Variants in VPS13D observed in about 807,000 individuals in gnomAD.
VPS13D encodes the protein vacuolar protein sorting 13 homolog D.
Under a neutral mutation model 461.9 loss-of-function variants are expected in VPS13D, and 187 were observed. That is an observed-to-expected ratio of 0.40 (90% CI 0.36 to 0.46). VPS13D has a LOEUF of 0.46. Ranked by LOEUF, VPS13D falls within the 20% of genes least tolerant of loss-of-function variation. The pLI is 0.60. For missense variants in VPS13D, 4,711 were observed against 5,364.9 expected (o/e 0.88, Z 3.81); for synonymous variants, 1,951 against 1,986.3 (o/e 0.98, Z 0.47).
chr1:12,266,597 C>G (rs1363379315), intron 13 of VPS13D, among the ~76,000 whole-genome samples: 1 of 152,210 alleles, frequency 6.6e-6, no homozygotes, highest in Non-Finnish European at 1.5e-5. Context: ...ACTCAGTACA[C>G]TACTGTATAG....
In VPS13D at chr1:12,382,907, T is replaced by A. The variant is rs940559994; in HGVS notation, c.11191-69T>A. ...TGTAAATTTAGGAACTTGTTTGAAA[T>A]GATGTGTTAACTTGTCAAAGTCAGT... On this transcript the variant is annotated intron_variant, in intron 57 of 69. Coordinates refer to ENST00000620676, the MANE Select transcript of VPS13D (RefSeq NM_015378.4). 9.2e-6 allele frequency: 13 copies of A among 1,419,524 alleles called. No individual in the cohort carries two copies. The South Asian group carries it at 1.6e-4, about 17-fold the overall frequency. The allele number at this position is 1,419,524 out of a possible 1,614,324, so 87.9% of individuals were successfully genotyped here. A position where few individuals can be genotyped will look rare whatever the true frequency, so the allele number is the denominator to read the frequency against.
At position 12,304,672 on chromosome 1, in the gene VPS13D, C is replaced by T. The variant is rs745314464; in HGVS notation, c.6383C>T (p.Thr2128Ile). 1.9e-6 allele frequency: 3 copies of T among 1,613,994 alleles called. No individual in the cohort carries two copies. Among genetic ancestry groups the T allele is most frequent in the Non-Finnish European group, 2.5e-6 (3 of 1,180,014 alleles). Residue 2128 changes from threonine to isoleucine, a missense_variant, in exon 26 of 70, where the codon ACC becomes ATC. Around this residue, in one of 3 missense-constraint regions of VPS13D, gnomAD observed 4,411 missense variants for 4,937.8 expected, o/e 0.89. Transcript: ENST00000620676. ...AGTGAGTTTGTGCCCAGTACCTCCACCAAGCAGCAAGGGCCGCAACCCACA... is the reference window on the plus strand; with the variant it reads ...AGTGAGTTTGTGCCCAGTACCTCCATCAAGCAGCAAGGGCCGCAACCCACA... ...LKSEFVPSTS[T>I]KQQGPQPTLS... is the part of the protein sequence containing the mutation.
At position 12,277,154 on chromosome 1, in the gene VPS13D, A is replaced by G. The variant is rs1473110529; in HGVS notation, c.3566A>G (p.Tyr1189Cys). ...RTVGMANREKYGRKIATASIG... is the reference protein window; with the variant it reads ...RTVGMANREKCGRKIATASIG... ...GTGGGCATGGCAAATAGAGAGAAAT[A>G]TGGCAGAAAAATTGCAACTGCAAGT... Residue 1189 changes from tyrosine (Y) to cysteine (C), a missense_variant, in exon 19 of 70, where the codon TAT becomes TGT. Physicochemically the swap from Tyr to Cys is radical, Grantham distance 194 (BLOSUM62 -2). Around this residue, in one of 3 missense-constraint regions of VPS13D, gnomAD observed 4,411 missense variants for 4,937.8 expected, o/e 0.89. Coordinates refer to ENST00000620676, the MANE Select transcript of VPS13D (RefSeq NM_015378.4). The G allele has an allele frequency of 1.2e-6, 2 of 1,614,228 alleles. No homozygotes were observed. The highest frequency in any genetic ancestry group is 1.7e-6 in the Non-Finnish European group (2 of 1,180,048).
intron 2 of VPS13D, among the ~76,000 whole-genome samples, chr1:12,240,197 G>A (rs541801125): frequency 3.3e-5 from 5 of 151,644 alleles, no homozygotes; most frequent in African/African-American, 9.7e-5. Context: ...TTAATTTTTC[G>A]TGGTGCGAGT....
chr1:12,318,453 T>C, intron 31 of VPS13D, 116 bp downstream of exon 31: 6 of 1,342,818 alleles, frequency 4.5e-6, no homozygotes, highest in Non-Finnish European at 6.1e-6. Context: ...CTTACACATT[T>C]GCCTCTTTTA....
chr1:12,275,228 T>TA (rs1323130541), intron 18 of VPS13D, among the ~76,000 whole-genome samples: 2 of 144,688 alleles, frequency 1.4e-5, no homozygotes, highest in African/African-American at 2.6e-5. Flanking sequence ...CAAAAATAAA[T>TA]AAAAATAAAT....
At chr1:12,292,437 T>C (rs897862350) in intron 23 of VPS13D, among the ~76,000 whole-genome samples, 24 of 135,756 alleles carry the variant, frequency 1.8e-4, no homozygotes, top group Admixed American at 1.4e-3. Context: ...CTCAGTCTCT[T>C]TTTTTTTTTT....
chr1:12,321,844 A>G lies in VPS13D; in HGVS notation c.7584A>G (p.Thr2528=). The change falls in exon 33 of 70, where the codon ACA becomes ACG. Residue 2528 remains threonine, a synonymous_variant. Transcript: ENST00000620676. The part of the protein sequence containing the change: ...FSCRLGNEHD[T]ALSIVDPVQI... ...GCCGACTAGGGAATGAGCATGATAC[A>G]GCTCTTTCAATTGTGGATCCCGTAC... 2 of 1,611,742 alleles carry G rather than the reference A, an allele frequency of 1.2e-6. No individual in the cohort carries two copies. The highest frequency in any genetic ancestry group is 1.7e-6 in the Non-Finnish European group (2 of 1,179,274).
At chr1:12,274,275 G>A (rs1641542419) in intron 18 of VPS13D, among the ~76,000 whole-genome samples, 1 of 152,216 alleles carries the variant, frequency 6.6e-6, no homozygotes, top group Non-Finnish European at 1.5e-5. Context: ...CCTGGCCTCA[G>A]GTGATCCGCC....
At chr1:12,363,878 G>A (rs186470937) in intron 52 of VPS13D, among the ~76,000 whole-genome samples, 2,793 of 149,532 alleles carry the variant, frequency 0.019, 104 homozygotes, top group Admixed American at 0.097. Flanking sequence ...GCCTGAATCG[G>A]GGAGGCGGAG....
chr1:12,314,467 C>G lies in VPS13D; in HGVS notation c.7148+140C>G. On this transcript the variant is annotated intron_variant, in intron 30 of 69. Transcript: ENST00000620676. The stretch of plus-strand genomic sequence containing the variant: ...ATAATGGCTTAATCAGTGCAGTGTA[C>G]TGTATATTAATGCATTATTCCTATA... 6 of 781,560 alleles carry G rather than the reference C, an allele frequency of 7.7e-6. No individual in the cohort carries two copies. In the South Asian group the frequency reaches 1.2e-4, roughly 15 times the overall value. The allele number at this position is 781,560 out of a possible 1,614,324, so 48.4% of individuals were successfully genotyped here. A position where few individuals can be genotyped will look rare whatever the true frequency, so the allele number is the denominator to read the frequency against.
intron 67 of VPS13D, among the ~76,000 whole-genome samples, chr1:12,468,752 G>T (rs565435820): frequency 6.6e-6 from 1 of 152,336 alleles, no homozygotes; most frequent in South Asian, 2.1e-4. Flanking sequence ...TCTAAAAGAG[G>T]CTGGGCGCGG....
chr1:12,465,851 A>C (rs1399862689), intron 67 of VPS13D, among the ~76,000 whole-genome samples: 1 of 152,070 alleles, frequency 6.6e-6, no homozygotes, highest in African/African-American at 2.4e-5. Flanking sequence ...AAAGTCTGCA[A>C]AGAGGCCGGG....
intron 67 of VPS13D, among the ~76,000 whole-genome samples, chr1:12,463,365 T>G (rs1305186560): frequency 6.6e-6 from 1 of 152,214 alleles, no homozygotes; most frequent in East Asian, 1.9e-4. Flanking sequence ...AAATTACAGA[T>G]TCTTCTGAAG....
intron 65 of VPS13D, among the ~76,000 whole-genome samples, chr1:12,432,736 C>T (rs774129446): frequency 9.9e-5 from 15 of 152,038 alleles, no homozygotes; most frequent in East Asian, 1.9e-4. Context: ...GCTGGGACTA[C>T]GGGAGCACAC....
intron 65 of VPS13D, among the ~76,000 whole-genome samples, chr1:12,454,922 T>G (rs897813743): frequency 3.3e-5 from 5 of 152,292 alleles, no homozygotes; most frequent in Admixed American, 2.0e-4. Flanking sequence ...TCCTTCTCTT[T>G]TTATGCCTGA....
At chr1:12,415,775 A>C (rs983788440) in intron 64 of VPS13D, among the ~76,000 whole-genome samples, 2 of 152,170 alleles carry the variant, frequency 1.3e-5, no homozygotes, top group Non-Finnish European at 2.9e-5. Context: ...CCTTTTCTCC[A>C]TTCCCCGTTT....
intron 24 of VPS13D, among the ~76,000 whole-genome samples, chr1:12,298,707 AT>A (rs1213224157): frequency 2.0e-5 from 3 of 150,154 alleles, no homozygotes; most frequent in African/African-American, 7.3e-5. Context: ...TGTTTAATTG[AT>A]TTTTCTCTGA....
chr1:12,400,101 G>C, intron 60 of VPS13D, 80 bp from the exon 61 acceptor site: 1 of 1,515,980 alleles, frequency 6.6e-7, no homozygotes, highest in African/African-American at 1.4e-5. Context: ...CGCATTATGA[G>C]GCCCCACTCA....
Sources: allele counts gnomAD v4.1 joint callset (sites outside exome capture counted in the v4.1 genomes callset), GRCh38; gene constraint gnomAD v4.1.1; regional missense constraint gnomAD v4.1.1; transcripts MANE v1.5; gene names NCBI Gene and HGNC (gene_info 2026-07-23, HGNC 2026-07-21).